The following NME7 variants were observed in gnomAD, a reference collection of about 807,000 sequenced individuals.
NME7 encodes the protein nucleoside diphosphate kinase 7.
NME7 carries 41 observed loss-of-function variants against 49.1 expected under a neutral mutation model. That is an observed-to-expected ratio of 0.83 (90% CI 0.65 to 1.08). NME7 has a LOEUF of 1.08. Among genes scored for constraint, NME7 ranks in the 50% least tolerant of loss-of-function variants. The probability of loss-of-function intolerance (pLI) is 0.00; values close to 1 mark genes in which losing one functional copy is unlikely to be tolerated. For synonymous variants in NME7, 139 were observed against 150.6 expected (o/e 0.92, Z 0.56); for missense variants, 423 against 463.4 (o/e 0.91, Z 0.80).
intron 7 of NME7, among the ~76,000 whole-genome samples, chr1:169,255,509 CTT>C (rs1464383480): frequency 1.6e-5 from 2 of 124,452 alleles, no homozygotes; most frequent in African/African-American, 5.7e-5. Flanking sequence ...GGTCTTGACT[CTT>C]TATCCAATTT....
intron 10 of NME7, among the ~76,000 whole-genome samples, chr1:169,181,133 T>TC (rs57895097): frequency 0.059 from 4,483 of 75,470 alleles, 131 homozygotes; most frequent in East Asian, 0.3. Flanking sequence ...ATCCTATCTA[T>TC]TTATCTATCT....
At chr1:169,163,679 A>T (rs1282858131) in intron 11 of NME7, among the ~76,000 whole-genome samples, 7 of 152,194 alleles carry the variant, frequency 4.6e-5, no homozygotes, top group Admixed American at 3.9e-4. Flanking sequence ...GTAAAAAAAA[A>T]TGCCCTTTTA....
At chr1:169,156,154 C>CAAAAAAA (rs71121729) in intron 11 of NME7, among the ~76,000 whole-genome samples, 3 of 135,956 alleles carry the variant, frequency 2.2e-5, no homozygotes, top group East Asian at 2.5e-4. Flanking sequence ...CCTGTCTCTA[C>CAAAAAAA]AAAAAAAAAT....
intron 11 of NME7, among the ~76,000 whole-genome samples, chr1:169,161,621 G>C (rs1659247348): frequency 6.6e-6 from 1 of 152,182 alleles, no homozygotes; most frequent in Non-Finnish European, 1.5e-5. Context: ...TAGCATAGCT[G>C]ACTCCATCTT....
At chr1:169,274,494 G>T (rs1558017114) in intron 7 of NME7, among the ~76,000 whole-genome samples, 1 of 133,584 alleles carries the variant, frequency 7.5e-6, no homozygotes, top group Admixed American at 7.3e-5. Context: ...GTCAATTTTG[G>T]CTTTTGTTGC....
intron 10 of NME7, among the ~76,000 whole-genome samples, chr1:169,210,110 T>G (rs1266199291): frequency 6.6e-6 from 1 of 152,080 alleles, no homozygotes; most frequent in Non-Finnish European, 1.5e-5. Flanking sequence ...ACACCCACAG[T>G]GTATTTAATA....
At chr1:169,253,935 C>G (rs1321198643) in intron 7 of NME7, among the ~76,000 whole-genome samples, 1 of 150,086 alleles carries the variant, frequency 6.7e-6, no homozygotes, top group Non-Finnish European at 1.5e-5. Context: ...GGTGGATAAG[C>G]TTTTTGATGT....
chr1:169,253,975 T>C (rs577254965), intron 7 of NME7, among the ~76,000 whole-genome samples: 7 of 151,510 alleles, frequency 4.6e-5, no homozygotes, highest in Non-Finnish European at 8.8e-5. Context: ...CAGTATTTTA[T>C]TGAGGATTTT....
At chr1:169,283,197 G>A (rs985698923) in intron 7 of NME7, among the ~76,000 whole-genome samples, 6 of 152,126 alleles carry the variant, frequency 3.9e-5, no homozygotes, top group Admixed American at 3.3e-4. Context: ...TACCATTAAT[G>A]TAATGCCCTT....
intron 10 of NME7, among the ~76,000 whole-genome samples, chr1:169,212,470 T>C (rs1038829142): frequency 6.8e-6 from 1 of 147,898 alleles, no homozygotes; most frequent in Admixed American, 6.7e-5. Context: ...TTGGTAGACA[T>C]GTGCAGAGCA....
At chr1:169,185,343 A>G (rs1279535783) in intron 10 of NME7, among the ~76,000 whole-genome samples, 1 of 152,228 alleles carries the variant, frequency 6.6e-6, no homozygotes, top group Admixed American at 6.5e-5. Context: ...TTAGAAGTGA[A>G]AAAGGCAGAT....
intron 5 of NME7, among the ~76,000 whole-genome samples, chr1:169,300,203 A>G (rs553542772): frequency 6.6e-6 from 1 of 152,246 alleles, no homozygotes; most frequent in South Asian, 2.1e-4. Flanking sequence ...ATCACACATA[A>G]ATCATTAGAC....
chr1:169,234,057 T>A (rs1647755150), intron 9 of NME7, among the ~76,000 whole-genome samples: 1 of 152,094 alleles, frequency 6.6e-6, no homozygotes, highest in Admixed American at 6.6e-5. Context: ...TCAAAATGTA[T>A]AAAATGGAAA....
intron 1 of NME7, among the ~76,000 whole-genome samples, chr1:169,358,399 C>T (rs1396710116): frequency 6.6e-6 from 1 of 151,910 alleles, no homozygotes; most frequent in Non-Finnish European, 1.5e-5. Context: ...AGTGCTTAAG[C>T]CAGGACTGGA....
chr1:169,160,335 A>G (rs931755040), intron 11 of NME7, among the ~76,000 whole-genome samples: 2 of 152,182 alleles, frequency 1.3e-5, no homozygotes, highest in Admixed American at 6.5e-5. Flanking sequence ...CCAGAAAATA[A>G]TAACACCATA....
At chr1:169,245,286 C>T (rs1648265203) in intron 7 of NME7, among the ~76,000 whole-genome samples, 1 of 152,100 alleles carries the variant, frequency 6.6e-6, no homozygotes, top group Non-Finnish European at 1.5e-5. Flanking sequence ...CTGGATGTAA[C>T]AGCAAGATAC....
rs1304508856 is a variant in NME7 at position 169,160,441 on chromosome 1, TCTA to T, written c.1098+9003_1098+9005del. Reference sequence around the variant, plus strand: ...TTCTCCATGGCCACTTCAAACTTTGTCTACTATCTCTTATTCAAGACTCCTGGT... The same window carrying T: ...TTCTCCATGGCCACTTCAAACTTTGTCTATCTCTTATTCAAGACTCCTGGT... On this transcript the variant is annotated intron_variant, in intron 11 of 11. Transcript: ENST00000367811. 1.4e-4 allele frequency among the ~76,000 whole-genome samples: 22 copies of T among 152,254 alleles called. 2 individuals carry two copies. The East Asian group carries it at 4.2e-3, about 29-fold the overall frequency.
At chr1:169,170,020 A>T (rs1659534307) in intron 10 of NME7, among the ~76,000 whole-genome samples, 1 of 152,220 alleles carries the variant, frequency 6.6e-6, no homozygotes, top group Admixed American at 6.5e-5. Flanking sequence ...AAAAAAATTT[A>T]AATTGAGAAA....
At chr1:169,288,082 C>T (rs1211238066) in intron 6 of NME7, among the ~76,000 whole-genome samples, 2 of 152,124 alleles carry the variant, frequency 1.3e-5, no homozygotes, top group Non-Finnish European at 2.9e-5. Flanking sequence ...CTATAAAACC[C>T]TCTGACTCAA....
Sources: gnomAD v4.1 joint callset for allele counts (sites outside exome capture counted in the v4.1 genomes callset) on GRCh38, gnomAD v4.1.1 for gene constraint, MANE v1.5 for transcripts, NCBI Gene and HGNC (gene_info 2026-07-23, HGNC 2026-07-21) for gene names.